PRKDC: variants seen among roughly 807,000 people sequenced by gnomAD.
PRKDC encodes the protein protein kinase, DNA-activated, catalytic subunit.
A neutral mutation model predicts 486.9 loss-of-function variants in PRKDC; 82 were observed. The observed-to-expected ratio is 0.17, with a 90% CI of 0.14 to 0.20. PRKDC has a LOEUF of 0.20. Among genes scored for constraint, PRKDC ranks in the 10% least tolerant of loss-of-function variants. The pLI, the probability that PRKDC is intolerant of heterozygous loss-of-function variation, is 1.00. For missense variants in PRKDC, 4,504 were observed against 5,038.2 expected, an observed-to-expected ratio of 0.89 and a Z score of 3.21; for synonymous variants, 1,895 against 1,837.0, an observed-to-expected ratio of 1.03 and a Z score of -0.81.
chr8:47,776,059 A>G (rs2154497245), intron 85 of PRKDC, among the ~76,000 whole-genome samples: 1 of 152,188 alleles, frequency 6.6e-6, no homozygotes, highest in South Asian at 2.1e-4. Context: ...CCTGACCTCA[A>G]GTGATCCACT....
At position 47,858,887 on chromosome 8, in the gene PRKDC, G is replaced by A. The variant is rs1400425049; in HGVS notation, c.6307C>T (p.His2103Tyr). ...GGCGGGCCCAGGCTTCTGTGCATGT[G>A]CTTGACCAGGGCCGTCAGGGGCGCC... ...CMAPLTALVK[H>Y]MHRSLGPPQG... The change falls in exon 47 of 86, where the codon CAC (histidine) becomes TAC (tyrosine). Residue 2103 changes from histidine to tyrosine, a missense_variant. Around this residue, in one of 6 missense-constraint regions of PRKDC, gnomAD observed 1,592 missense variants for 1,724.6 expected, o/e 0.92. Coordinates refer to ENST00000314191, the MANE Select transcript of PRKDC (RefSeq NM_006904.7). 6.2e-7 allele frequency: 1 copy of A among 1,613,844 alleles called. No homozygotes were observed. The highest frequency in any genetic ancestry group is 8.5e-7 in the Non-Finnish European group (1 of 1,179,876).
intron 54 of PRKDC, among the ~76,000 whole-genome samples, chr8:47,848,473 G>A (rs2088324626): frequency 6.6e-6 from 1 of 152,026 alleles, no homozygotes. Flanking sequence ...CAGACACTGG[G>A]GAACAGAAGA....
intron 23 of PRKDC, among the ~76,000 whole-genome samples, chr8:47,915,117 A>T (rs1245239609): frequency 2.0e-5 from 3 of 152,382 alleles, no homozygotes; most frequent in Non-Finnish European, 1.5e-5. Flanking sequence ...TAACAAGTCA[A>T]GCTAGAACAT....
At chr8:47,959,225 T>C (rs1190718939) in intron 1 of PRKDC, 1 of 152,136 alleles carries the variant, frequency 6.6e-6, no homozygotes, top group African/African-American at 2.4e-5. Context: ...AAGAGGCACT[T>C]TTACTACAAA....
rs868609007 is a variant in PRKDC at position 47,911,228 on chromosome 8, G to A, written c.2934+1182C>T. 6.6e-5 allele frequency among the ~76,000 whole-genome samples: 10 copies of A among 152,320 alleles called. No homozygotes were observed. In the South Asian group the frequency reaches 1.7e-3, roughly 25 times the overall value. On this transcript the variant is annotated intron_variant, in intron 25 of 85. Coordinates refer to ENST00000314191, the MANE Select transcript of PRKDC (RefSeq NM_006904.7). The stretch of plus-strand genomic sequence containing the variant: ...CTGGAGAGGAAGCAAGGAACACCAG[G>A]CTCTGTCCATGCAGAGTTTAACTAA...
chr8:47,907,511 T>G (rs991883465), intron 25 of PRKDC, among the ~76,000 whole-genome samples: 1 of 150,314 alleles, frequency 6.7e-6, no homozygotes, highest in Non-Finnish European at 1.5e-5. Context: ...CTGTCGACTT[T>G]CAAAATATTT....
intron 31 of PRKDC, 136 bp downstream of exon 31, chr8:47,893,003 G>T: frequency 1.0e-6 from 1 of 979,260 alleles, no homozygotes; most frequent in Non-Finnish European, 1.4e-6. Flanking sequence ...CCCTTGCAGA[G>T]AAGTGACATG....
At position 47,881,530 on chromosome 8, in the gene PRKDC, G is replaced by A. The variant is rs1306003505; in HGVS notation, c.4963-10C>T. The A allele has an allele frequency of 5.8e-6, 8 of 1,389,752 alleles. No individual in the cohort carries two copies. The highest frequency in any genetic ancestry group is 4.5e-5 in the Admixed American group (2 of 44,272). 86.1% of individuals were successfully genotyped at this position (1,389,752 alleles called of 1,614,324 possible). ...ATACAGATGAATCAATCTAAAGGAA[G>A]GAAAAGAAAAACAGGACACATTTGT... On this transcript the variant is annotated splice_polypyrimidine_tract_variant and intron_variant, in intron 37 of 85. Coordinates refer to ENST00000314191, the MANE Select transcript of PRKDC (RefSeq NM_006904.7).
intron 69 of PRKDC, among the ~76,000 whole-genome samples, chr8:47,804,352 T>A (rs572457737): frequency 2.7e-5 from 4 of 146,100 alleles, no homozygotes; most frequent in Non-Finnish European, 5.9e-5. Context: ...CAGGCTGGAG[T>A]GCAATGGCAC....
chr8:47,806,455 T>A (rs1260485215), intron 69 of PRKDC, among the ~76,000 whole-genome samples: 1 of 152,188 alleles, frequency 6.6e-6, no homozygotes, highest in Non-Finnish European at 1.5e-5. Flanking sequence ...GATATTACAC[T>A]CATCCAAAGA....
intron 82 of PRKDC, 28 bp from the exon 83 acceptor site, chr8:47,778,688 G>A (rs2086649327): frequency 1.2e-6 from 2 of 1,613,320 alleles, no homozygotes; most frequent in Non-Finnish European, 1.7e-6. Context: ...CTGTGCGGCT[G>A]CTGTGATCCC....
rs762922258 is a variant in PRKDC at position 47,801,031 on chromosome 8, G to A, written c.9923-45C>T. On this transcript the variant is annotated intron_variant, in intron 70 of 85. Transcript: ENST00000314191. ...AAACAAAACAAAATTTTGTATGTGT[G>A]TGTGGAATTAAAAAGAAGAAATTCA... 4.6e-6 allele frequency: 7 copies of A among 1,529,400 alleles called. No homozygotes were observed. In the East Asian group the frequency reaches 1.6e-4, roughly 35 times the overall value. The allele number at this position is 1,529,400 out of a possible 1,614,324, so 94.7% of individuals were successfully genotyped here. A position where few individuals can be genotyped will look rare whatever the true frequency, so the allele number is the denominator to read the frequency against.
chr8:47,811,521 T>C (rs2087325100), intron 68 of PRKDC, among the ~76,000 whole-genome samples: 1 of 152,208 alleles, frequency 6.6e-6, no homozygotes, highest in Non-Finnish European at 1.5e-5. Flanking sequence ...ACTTATGTTC[T>C]AAAGAATATG....
Position 47,836,349 on chromosome 8 carries a change from G to A in PRKDC, c.7940C>T (p.Thr2647Ile). 6.3e-7 allele frequency: 1 copy of A among 1,593,230 alleles called. No homozygotes were observed. Among genetic ancestry groups the A allele is most frequent in the Non-Finnish European group, 8.6e-7 (1 of 1,167,700 alleles). ...ATQQQHDFTLTQTADGRSSFD... is the reference protein window; with the variant it reads ...ATQQQHDFTLIQTADGRSSFD... ...AGGGTCACTGTTACCTGCAGTCTGT[G>A]TCAGTGTGAAGTCATGCTGCTGCTG... The change falls in exon 58 of 86, where the codon ACA becomes ATA. Residue 2647 changes from threonine (T) to isoleucine (I), a missense_variant. Thr to Ile is a moderately conservative substitution (Grantham distance 89). Coordinates refer to ENST00000314191, the MANE Select transcript of PRKDC (RefSeq NM_006904.7).
chr8:47,849,680 C>T (rs958894878), intron 52 of PRKDC, among the ~76,000 whole-genome samples, 177 bp from the exon 53 acceptor site: 6 of 152,310 alleles, frequency 3.9e-5, no homozygotes, highest in East Asian at 3.9e-4. Context: ...CACTGACCAT[C>T]GCACACCCTT....
intron 59 of PRKDC, among the ~76,000 whole-genome samples, chr8:47,832,406 T>C (rs6473790): frequency 1 from 152,030 of 152,364 alleles, 75,854 homozygotes; most frequent in Middle Eastern, 1. Context: ...CTAAGGAAAG[T>C]TTCAAATATG....
intron 4 of PRKDC, among the ~76,000 whole-genome samples, chr8:47,955,483 A>G (rs935106018): frequency 1.3e-5 from 2 of 151,188 alleles, no homozygotes; most frequent in African/African-American, 4.8e-5. Flanking sequence ...AAAAAAAAAA[A>G]AAAAGAAAAC....
intron 52 of PRKDC, among the ~76,000 whole-genome samples, chr8:47,852,339 T>A (rs2088427516): frequency 6.6e-6 from 1 of 152,166 alleles, no homozygotes. Context: ...AGCAGCTATC[T>A]ACCAGGACAA....
At chr8:47,937,092 TAAAAAAAA>T (rs1258352052) in intron 11 of PRKDC, among the ~76,000 whole-genome samples, 1 of 119,860 alleles carries the variant, frequency 8.3e-6, no homozygotes, top group African/African-American at 3.1e-5. Flanking sequence ...CGTCTCTACT[TAAAAAAAA>T]AAAAAAAAAA....
Sources: allele counts gnomAD v4.1 joint callset (sites outside exome capture counted in the v4.1 genomes callset), GRCh38; gene constraint gnomAD v4.1.1; regional missense constraint gnomAD v4.1.1; transcripts MANE v1.5; gene names NCBI Gene and HGNC (gene_info 2026-07-23, HGNC 2026-07-21).